ITGB6: variants seen among roughly 807,000 people sequenced by gnomAD.
The protein encoded by ITGB6 is integrin subunit beta 6, also known as integrin beta-6.
ITGB6 carries 80 observed loss-of-function variants against 84.5 expected under a neutral mutation model. The observed-to-expected ratio is 0.95, with a 90% CI of 0.79 to 1.14. ITGB6 has a LOEUF of 1.14. ITGB6 is among the 50% of genes most tolerant of loss of function. ITGB6 has a pLI of 0.00. For missense variants in ITGB6, 1,006 were observed against 968.0 expected (o/e 1.04, Z -0.52); for synonymous variants, 383 against 354.9 (o/e 1.08, Z -0.89).
intron 8 of ITGB6, among the ~76,000 whole-genome samples, chr2:160,138,621 C>A (rs967437880): frequency 6.6e-6 from 1 of 152,302 alleles, no homozygotes; most frequent in East Asian, 1.9e-4. Flanking sequence ...AATTAAACAA[C>A]AGCTTCCTTT....
rs566929916 is a variant in ITGB6, at chr2:160,153,742, G to GA, written c.1018-11672dup. 8.9e-3 allele frequency among the ~76,000 whole-genome samples: 1,344 copies of GA among 150,400 alleles called. 31 individuals are homozygous for GA. The highest frequency in any genetic ancestry group is 0.031 in the African/African-American group (1,292 of 41,030). The stretch of plus-strand genomic sequence containing the variant: ...ACAAAGAACTCAAACAAATTTACAA[G>GA]AAAAAAAAACCCATCAACAAGTGGA... On this transcript the variant is annotated intron_variant, in intron 7 of 14. Coordinates refer to ENST00000283249, the MANE Select transcript of ITGB6 (RefSeq NM_000888.5).
Position 160,196,342 on chromosome 2 carries a change from A to G in ITGB6, c.220T>C (p.Phe74Leu). The G allele has an allele frequency of 6.2e-7, 1 of 1,614,080 alleles. No homozygotes were observed. The highest frequency in any genetic ancestry group is 8.5e-7 in the Non-Finnish European group (1 of 1,179,974). ...NLLAKGCQLNFIENPVSQVEI... is the reference protein window; with the variant it reads ...NLLAKGCQLNLIENPVSQVEI... ...ACTTGGGAGACAGGGTTTTCGATGA[A>G]GTTTAATTGACATCCTTTAGCTAAA... Residue 74 changes from phenylalanine to leucine, a missense_variant, in exon 3 of 15, where the codon TTC becomes CTC. Phe to Leu is a conservative substitution (Grantham distance 22, BLOSUM62 0). Coordinates refer to ENST00000283249, the MANE Select transcript of ITGB6 (RefSeq NM_000888.5).
intron 13 of ITGB6, among the ~76,000 whole-genome samples, chr2:160,111,879 C>G (rs1205422102): frequency 1.3e-5 from 2 of 152,090 alleles, no homozygotes; most frequent in Admixed American, 6.5e-5. Flanking sequence ...CGTGCCCGAC[C>G]CTTATCTGGT....
Position 160,126,410 on chromosome 2 carries a change from G to GA in ITGB6, c.1851dup (p.Pro618SerfsTer5). ...GAGTTACAGGGGTCACCACAGGTAG[G>GA]ACATCGTTCACAGGTTGGTCCTGAG... On this transcript the variant is annotated frameshift_variant, in exon 11 of 15. Transcript: ENST00000283249. LOFTEE classifies it high-confidence loss of function. 6.2e-7 allele frequency: 1 copy of GA among 1,614,176 alleles called. No homozygotes were observed.
At chr2:160,135,614 G>C (rs1292367820) in intron 10 of ITGB6, among the ~76,000 whole-genome samples, 1 of 151,652 alleles carries the variant, frequency 6.6e-6, no homozygotes, top group African/African-American at 2.4e-5. Flanking sequence ...TAAGCCAAAA[G>C]AACAAAGCTG....
intron 4 of ITGB6, among the ~76,000 whole-genome samples, chr2:160,185,219 AT>A (rs1164810513): frequency 1.3e-5 from 2 of 152,240 alleles, no homozygotes; most frequent in African/African-American, 2.4e-5. Flanking sequence ...AAGATTGTAT[AT>A]TTAGAAAACC....
chr2:160,157,972 A>G (rs72979963), intron 7 of ITGB6, among the ~76,000 whole-genome samples: 23,486 of 152,074 alleles, frequency 0.15, 2,435 homozygotes, highest in Non-Finnish European at 0.24. Flanking sequence ...TCTCACGTTC[A>G]TTATCAGTAA....
chr2:160,113,363 C>T (rs945398303), intron 12 of ITGB6, among the ~76,000 whole-genome samples: 2 of 152,178 alleles, frequency 1.3e-5, no homozygotes, highest in Non-Finnish European at 2.9e-5. Context: ...TATTAAGTTG[C>T]TGTTTGCTGT....
rs1420925380 is a variant in ITGB6, at chr2:160,164,893, A to T, written c.1017+4319T>A. Among the ~76,000 whole-genome samples the T allele has an allele frequency of 2.0e-5, 3 of 152,128 alleles. 1 individual carries two copies. Among genetic ancestry groups the T allele is most frequent in the African/African-American group, 7.2e-5 (3 of 41,424 alleles). On this transcript the variant is annotated intron_variant, in intron 7 of 14. Coordinates refer to ENST00000283249, the MANE Select transcript of ITGB6 (RefSeq NM_000888.5). ...TGATTTTTCATGGTTAGGATTGGAA[A>T]ATACTCCCAACAACTCTGACTGATA...
chr2:160,184,180 T>A (rs1052298673), intron 4 of ITGB6, among the ~76,000 whole-genome samples: 2 of 152,084 alleles, frequency 1.3e-5, no homozygotes, highest in Non-Finnish European at 2.9e-5. Context: ...AAAAAATCAG[T>A]GAATCCAGGA....
At chr2:160,145,064 A>G (rs769235963) in intron 7 of ITGB6, among the ~76,000 whole-genome samples, 6 of 152,252 alleles carry the variant, frequency 3.9e-5, no homozygotes, top group Non-Finnish European at 7.3e-5. Flanking sequence ...TGTAAATATC[A>G]TGTGTCAAAT....
At chr2:160,105,076 T>A (rs983274204) in intron 14 of ITGB6, among the ~76,000 whole-genome samples, 3 of 152,206 alleles carry the variant, frequency 2.0e-5, no homozygotes, top group East Asian at 3.8e-4. Context: ...GTGAGCGACA[T>A]TTTTTTCCAG....
At chr2:160,189,273 C>T (rs1428266670) in intron 4 of ITGB6, among the ~76,000 whole-genome samples, 1 of 152,116 alleles carries the variant, frequency 6.6e-6, no homozygotes, top group Admixed American at 6.5e-5. Flanking sequence ...TAGGCAATAC[C>T]ATTCAGGACA....
intron 14 of ITGB6, among the ~76,000 whole-genome samples, chr2:160,105,578 T>G (rs1696876776): frequency 6.6e-6 from 1 of 152,196 alleles, no homozygotes; most frequent in East Asian, 1.9e-4. Context: ...AGCTTAACCA[T>G]GCACCAAAAG....
chr2:160,140,355 T>C (rs928586797), intron 8 of ITGB6, among the ~76,000 whole-genome samples: 10 of 152,194 alleles, frequency 6.6e-5, no homozygotes, highest in Non-Finnish European at 1.3e-4. Flanking sequence ...ACCCTGTAAG[T>C]TGCGTGAAGT....
intron 6 of ITGB6, among the ~76,000 whole-genome samples, chr2:160,171,269 C>T (rs533260641): frequency 6.6e-6 from 1 of 152,214 alleles, no homozygotes; most frequent in South Asian, 2.1e-4. Flanking sequence ...ACCATATTTC[C>T]CCAAGTGTTA....
chr2:160,180,241 T>C (rs1334065248), intron 4 of ITGB6, among the ~76,000 whole-genome samples: 1 of 152,206 alleles, frequency 6.6e-6, no homozygotes, highest in African/African-American at 2.4e-5. Flanking sequence ...AATAAATTTT[T>C]AGTGTCTCTC....
intron 7 of ITGB6, among the ~76,000 whole-genome samples, chr2:160,167,699 A>T (rs945544302): frequency 3.9e-5 from 6 of 152,212 alleles, no homozygotes; most frequent in African/African-American, 1.4e-4. Context: ...TTTGCCATGT[A>T]GTTATTTTTC....
At chr2:160,107,040 A>T (rs1477157889) in intron 14 of ITGB6, among the ~76,000 whole-genome samples, 2 of 152,342 alleles carry the variant, frequency 1.3e-5, no homozygotes, top group Non-Finnish European at 2.9e-5. Context: ...AGAAAACTAT[A>T]GTCCTGCCTT....
Sources: gnomAD v4.1 joint callset for allele counts (sites outside exome capture counted in the v4.1 genomes callset) on GRCh38, gnomAD v4.1.1 for gene constraint, MANE v1.5 for transcripts, NCBI Gene and HGNC (gene_info 2026-07-23, HGNC 2026-07-21) for gene names.